ELMO1: variants seen among roughly 807,000 people sequenced by gnomAD.
ELMO1 encodes the protein engulfment and cell motility protein 1.
Under a neutral mutation model 98.9 loss-of-function variants are expected in ELMO1, and 26 were observed. The observed-to-expected ratio is 0.26, with a 90% CI of 0.19 to 0.36. ELMO1 has a LOEUF of 0.36. ELMO1 is among the 10% of genes least tolerant of loss of function. The pLI is 1.00. For missense variants in ELMO1, 627 were observed against 935.2 expected (o/e 0.67, Z 4.30); for synonymous variants, 346 against 346.0 (o/e 1.00, Z 0.00).
chr7:37,276,324 G>A (rs1034269750), intron 4 of ELMO1, among the ~76,000 whole-genome samples: 2 of 152,060 alleles, frequency 1.3e-5, no homozygotes, highest in East Asian at 1.9e-4. Context: ...AAAATAACAC[G>A]TAGGCCGGGC....
intron 17 of ELMO1, 96 bp downstream of exon 17, chr7:36,894,758 A>T: frequency 6.7e-7 from 1 of 1,482,666 alleles, no homozygotes; most frequent in Admixed American, 1.7e-5. Context: ...TTCCCTGAGG[A>T]GCTCACAACA....
chr7:37,226,591 C>A (rs1364100864), intron 8 of ELMO1, among the ~76,000 whole-genome samples: 1 of 152,086 alleles, frequency 6.6e-6, no homozygotes, highest in Non-Finnish European at 1.5e-5. Context: ...TATTAGGAAA[C>A]TGAAGAACTC....
At chr7:37,351,544 C>T (rs757734880) in intron 1 of ELMO1, among the ~76,000 whole-genome samples, 31 of 152,226 alleles carry the variant, frequency 2.0e-4, no homozygotes, top group Non-Finnish European at 4.3e-4. Context: ...CAAAAGGGAA[C>T]AAGGACAGAA....
At chr7:37,247,931 C>T (rs996736597) in intron 6 of ELMO1, among the ~76,000 whole-genome samples, 4 of 115,622 alleles carry the variant, frequency 3.5e-5, no homozygotes, top group African/African-American at 1.6e-4. Context: ...GTGTGTAATA[C>T]ATAAAGTAGT....
intron 20 of ELMO1, among the ~76,000 whole-genome samples, chr7:36,864,612 C>T (rs1027591028): frequency 6.6e-6 from 1 of 152,214 alleles, no homozygotes; most frequent in African/African-American, 2.4e-5. Context: ...AGCAATAGCA[C>T]CTCTCAGGCT....
chr7:37,030,731 T>C (rs1326985426), intron 15 of ELMO1, among the ~76,000 whole-genome samples: 2 of 152,222 alleles, frequency 1.3e-5, no homozygotes, highest in Non-Finnish European at 2.9e-5. Flanking sequence ...TTGTTTTTTG[T>C]TTTTGTTCGT....
At chr7:37,020,991 T>C (rs958191107) in intron 15 of ELMO1, among the ~76,000 whole-genome samples, 9 of 152,246 alleles carry the variant, frequency 5.9e-5, no homozygotes, top group Admixed American at 2.6e-4. Context: ...AATATATTTA[T>C]GAATTCTCTG....
chr7:37,359,981 G>C (rs1190253623), intron 1 of ELMO1, among the ~76,000 whole-genome samples: 1 of 152,112 alleles, frequency 6.6e-6, no homozygotes, highest in Non-Finnish European at 1.5e-5. Context: ...GATAGAAGCT[G>C]CAACTTGATA....
intron 1 of ELMO1, chr7:37,375,451 C>T: frequency 1.5e-6 from 1 of 652,730 alleles, no homozygotes; most frequent in Non-Finnish European, 2.8e-6. Flanking sequence ...GGGCAGTCAG[C>T]CCGTGAGGTT....
At chr7:37,063,512 T>C (rs1360301561) in intron 15 of ELMO1, among the ~76,000 whole-genome samples, 1 of 152,196 alleles carries the variant, frequency 6.6e-6, no homozygotes, top group African/African-American at 2.4e-5. Flanking sequence ...AAATTAGTTT[T>C]GGAACTAAAC....
intron 1 of ELMO1, among the ~76,000 whole-genome samples, chr7:37,374,200 CA>C (rs1192593603): frequency 2.0e-5 from 3 of 152,136 alleles, no homozygotes. Flanking sequence ...GCCCTAACAC[CA>C]GTATGCCAGT....
intron 16 of ELMO1, among the ~76,000 whole-genome samples, chr7:36,899,400 A>C (rs1806307418): frequency 6.6e-6 from 1 of 152,078 alleles, no homozygotes; most frequent in African/African-American, 2.4e-5. Context: ...GATGAATGGG[A>C]GTTACTCAGG....
intron 16 of ELMO1, among the ~76,000 whole-genome samples, chr7:36,909,940 TG>T (rs1319793088): frequency 6.6e-6 from 1 of 152,050 alleles, no homozygotes; most frequent in African/African-American, 2.4e-5. Flanking sequence ...GACAAATAAA[TG>T]GGAGTGAGTT....
At chr7:37,320,694 G>A (rs969107036) in intron 2 of ELMO1, among the ~76,000 whole-genome samples, 2 of 152,060 alleles carry the variant, frequency 1.3e-5, no homozygotes, top group African/African-American at 4.8e-5. Flanking sequence ...GTTCATTTCT[G>A]TAGCCTTCCC....
intron 16 of ELMO1, among the ~76,000 whole-genome samples, chr7:36,926,265 T>C (rs1785562573): frequency 6.6e-6 from 1 of 152,200 alleles, no homozygotes; most frequent in South Asian, 2.1e-4. Flanking sequence ...GATAGTCCCT[T>C]TGTTTTGCAG....
chr7:37,094,127 T>C lies in ELMO1; in HGVS notation c.1300+2492A>G, dbSNP rs565089094. Among the ~76,000 whole-genome samples, 147 of 152,310 alleles carry C rather than the reference T, an allele frequency of 9.7e-4. 5 individuals carry two copies. In the South Asian group the frequency reaches 0.028, roughly 29 times the overall value. On this transcript the variant is annotated intron_variant, in intron 15 of 21. Coordinates refer to ENST00000310758, the MANE Select transcript of ELMO1 (RefSeq NM_014800.11). ...GTTGTAAGTACTGGATAGATTTTCA[T>C]TGAACAAATTAATAAATGTGTTTGT...
chr7:37,040,832 T>A lies in ELMO1; in HGVS notation c.1301-27397A>T, dbSNP rs138736082. Among the ~76,000 whole-genome samples the A allele has an allele frequency of 1.7e-3, 258 of 152,202 alleles. 4 individuals are homozygous for A. Among genetic ancestry groups the A allele is most frequent in the African/African-American group, 5.9e-3 (245 of 41,534 alleles). ...CAGCTCACTCCTCTAATCCCAGCAC[T>A]TTGGGAGGCCGAGGTGGGCAGGTCA... On this transcript the variant is annotated intron_variant, in intron 15 of 21. Transcript: ENST00000310758.
At chr7:36,934,563 G>A (rs1396921504) in intron 16 of ELMO1, among the ~76,000 whole-genome samples, 5 of 152,176 alleles carry the variant, frequency 3.3e-5, no homozygotes, top group African/African-American at 1.2e-4. Flanking sequence ...GACTGTTTCT[G>A]CTTTGGATGC....
rs570900191 is a variant in ELMO1 at position 37,243,444 on chromosome 7, C to A, written c.449+912G>T. Among the ~76,000 whole-genome samples the A allele has an allele frequency of 7.9e-5, 12 of 152,266 alleles. 2 individuals are homozygous for A. Among genetic ancestry groups the A allele is most frequent in the Admixed American group, 7.8e-4 (12 of 15,296 alleles). On this transcript the variant is annotated intron_variant, in intron 7 of 21. Coordinates refer to ENST00000310758, the MANE Select transcript of ELMO1 (RefSeq NM_014800.11). ...TCTCATAAAAAGTGGCTTCTACTGT[C>A]ATTACCATTAAGTGCTTCTACTGTA... is the stretch of plus-strand genomic sequence containing the variant.
Sources: allele counts gnomAD v4.1 joint callset (sites outside exome capture counted in the v4.1 genomes callset), GRCh38; gene constraint gnomAD v4.1.1; transcripts MANE v1.5; gene names NCBI Gene and HGNC (gene_info 2026-07-23, HGNC 2026-07-21).